The following FCHSD1 variants were observed in gnomAD, a reference collection of about 807,000 sequenced individuals.
FCHSD1 encodes F-BAR and double SH3 domains protein 1.
In FCHSD1, 109 loss-of-function variants were observed where a neutral mutation model predicts 101.3. The observed-to-expected ratio is 1.08, with a 90% CI of 0.92 to 1.26. FCHSD1 has a LOEUF of 1.26. Ranked by LOEUF, FCHSD1 falls within the 50% of genes most tolerant of loss-of-function variation. FCHSD1 has a pLI of 0.00. For missense variants in FCHSD1, 820 were observed against 895.8 expected (o/e 0.92, Z 1.08); for synonymous variants, 291 against 356.8 (o/e 0.82, Z 2.08).
chr5:141,641,511 T>G lies in FCHSD1; in HGVS notation c.2060A>C (p.Asp687Ala). 1 of 1,503,766 alleles carries G rather than the reference T, an allele frequency of 6.6e-7. No homozygotes were observed. The highest frequency in any genetic ancestry group is 1.4e-5 in the African/African-American group (1 of 71,794). The allele number at this position is 1,503,766 out of a possible 1,614,324, so 93.2% of individuals were successfully genotyped here. The change falls in exon 20 of 20, where the codon GAT becomes GCT. Residue 687 changes from aspartate to alanine, a missense_variant. Transcript: ENST00000435817. ...CTTCCCTGGCCTTCAGGTGAGGGGA[T>G]CTGGGTGGCCAGGATCCGGGGCTTT... ...PAKAPDPGHP[D>A]PLT
intron 18 of FCHSD1, chr5:141,642,601 C>T (rs1216595487): frequency 1.8e-6 from 1 of 545,952 alleles, no homozygotes; most frequent in East Asian, 3.2e-5. Flanking sequence ...TATCTGGACA[C>T]TAGGAGCAAA....
In FCHSD1 at chr5:141,646,115, TC is replaced by T; in HGVS notation, c.1120del (p.Glu374LysfsTer11). On this transcript the variant is annotated frameshift_variant, in exon 12 of 20. Transcript: ENST00000435817. LOFTEE classifies it high-confidence loss of function. ...EAPSIEQRLQEVRESIRRAQV... is the reference protein window; with the variant it reads ...EAPSIEQRLQXVRESIRRAQV... ...TGCCCGGCGGATGCTCTCTCGCACT[TC>T]CTGTAACCTCTGTTCTATGCTTGGA... 6.2e-7 allele frequency: 1 copy of T among 1,612,416 alleles called. No individual in the cohort carries two copies. The highest frequency in any genetic ancestry group is 8.5e-7 in the Non-Finnish European group (1 of 1,179,446).
intron 17 of FCHSD1, 137 bp from the exon 18 acceptor site, chr5:141,643,225 G>C: frequency 1.7e-6 from 1 of 587,812 alleles, no homozygotes; most frequent in Non-Finnish European, 2.8e-6. Flanking sequence ...TCGGTGGGGG[G>C]GTGTAGCTGA....
intron 17 of FCHSD1, among the ~76,000 whole-genome samples, chr5:141,643,455 G>A (rs2099907229): frequency 6.6e-6 from 1 of 152,206 alleles, no homozygotes; most frequent in Non-Finnish European, 1.5e-5. Flanking sequence ...CTAGAACCCA[G>A]TTCTCCTGAT....
chr5:141,649,316 GATGC>G lies in FCHSD1; in HGVS notation c.376-12_376-9del. 1 of 1,613,962 alleles carries G rather than the reference GATGC, an allele frequency of 6.2e-7. No homozygotes were observed. On this transcript the variant is annotated splice_polypyrimidine_tract_variant and intron_variant, in intron 5 of 19. Transcript: ENST00000435817. The surrounding 1 kb of genome is among the most constrained non-coding windows in gnomAD (Gnocchi z 4.1). Reference sequence around the variant, plus strand: ...CTGGAGGTTCTCTGTTCCCTATTGGGATGCATACACAAAGTCCTTACCTAGACCA... The same window carrying G: ...CTGGAGGTTCTCTGTTCCCTATTGGGATACACAAAGTCCTTACCTAGACCA...
At chr5:141,643,396 T>C (rs79041629) in intron 17 of FCHSD1, among the ~76,000 whole-genome samples, 2,292 of 152,334 alleles carry the variant, frequency 0.015, 52 homozygotes, top group African/African-American at 0.052. Flanking sequence ...GAGACCCAGG[T>C]TAAGCCAGCT....
rs1487616147 is a variant in FCHSD1 at position 141,640,316 on chromosome 5, C to T, written c.*1182G>A. On this transcript the variant is annotated 3_prime_UTR_variant, in exon 20 of 20. Coordinates refer to ENST00000435817, the MANE Select transcript of FCHSD1 (RefSeq NM_033449.3). Reference sequence around the variant, plus strand: ...ACCAGGTAGGAAAACACAGCCGGGACTGCACTGGGCTGGGCTCTTATTGCT... The same window carrying T: ...ACCAGGTAGGAAAACACAGCCGGGATTGCACTGGGCTGGGCTCTTATTGCT... 1 of 1,613,754 alleles carries T rather than the reference C, an allele frequency of 6.2e-7. No individual in the cohort carries two copies. Among genetic ancestry groups the T allele is most frequent in the East Asian group, 2.2e-5 (1 of 44,878 alleles).
At position 141,647,340 on chromosome 5, in the gene FCHSD1, T is replaced by C. The variant is rs530538036; in HGVS notation, c.828+58A>G. 142 of 1,572,452 alleles carry C rather than the reference T, an allele frequency of 9.0e-5. 1 individual carries two copies. In the East Asian group the frequency reaches 1.7e-3, roughly 18 times the overall value. On this transcript the variant is annotated intron_variant, in intron 9 of 19. Coordinates refer to ENST00000435817, the MANE Select transcript of FCHSD1 (RefSeq NM_033449.3). Reference sequence around the variant, plus strand: ...AATGTGTGAAGCAAAGAGGGCTGCATTGGGAGGGAAGGGTAAAAAGGATCC... The same window carrying C: ...AATGTGTGAAGCAAAGAGGGCTGCACTGGGAGGGAAGGGTAAAAAGGATCC...
chr5:141,651,211 T>A, intron 1 of FCHSD1, 94 bp from the exon 2 acceptor site: 1 of 1,497,808 alleles, frequency 6.7e-7, no homozygotes. Context: ...GGGGGGGTGC[T>A]GAGCTCTTTC....
chr5:141,642,078 G>C (rs2099906981), intron 18 of FCHSD1: 2 of 515,236 alleles, frequency 3.9e-6, no homozygotes, highest in Admixed American at 6.9e-5. Context: ...ACTTGGGGTG[G>C]TGGAGATGGT....
rs764634134 is a variant in FCHSD1, at chr5:141,645,075, T to TG, written c.1384dup (p.Gln462ProfsTer23). On this transcript the variant is annotated frameshift_variant, in exon 14 of 20. Transcript: ENST00000435817. LOFTEE classifies it high-confidence loss of function. ...GGGGAGGGCCCTCGTGGCCAGGGCT[T>TG]GGGGGGCAGGCTCCTCAAAGAGCTC... 1.3e-6 allele frequency: 2 copies of TG among 1,591,848 alleles called. No homozygotes were observed. The highest frequency in any genetic ancestry group is 8.6e-7 in the Non-Finnish European group (1 of 1,167,292).
At chr5:141,648,768 T>C (rs2099907992) in intron 7 of FCHSD1, among the ~76,000 whole-genome samples, 189 bp downstream of exon 7, 2 of 152,272 alleles carry the variant, frequency 1.3e-5, no homozygotes, top group Admixed American at 6.5e-5. Flanking sequence ...AAAAGAAGGG[T>C]ATTCTCTCCA....
chr5:141,647,367 C>T (rs768365874), intron 9 of FCHSD1, 31 bp downstream of exon 9: 47 of 1,576,164 alleles, frequency 3.0e-5, no homozygotes, highest in South Asian at 4.6e-5. Context: ...AAAGGATCCC[C>T]GGGGAAGCTC....
At position 141,649,849 on chromosome 5, in the gene FCHSD1, T is replaced by C. The variant is rs2099908145; in HGVS notation, c.233+38A>G. On this transcript the variant is annotated intron_variant, in intron 4 of 19. Transcript: ENST00000435817. The surrounding 1 kb of genome is among the most constrained non-coding windows in gnomAD (Gnocchi z 4.1). Reference sequence around the variant, plus strand: ...TCCTGGGGCTGAGCTCCCCATCACTTTTTGGCCTCTGTGGCCCTCCCCCTC... The same window carrying C: ...TCCTGGGGCTGAGCTCCCCATCACTCTTTGGCCTCTGTGGCCCTCCCCCTC... The C allele has an allele frequency of 6.5e-7, 1 of 1,538,890 alleles. No individual in the cohort carries two copies.
intron 2 of FCHSD1, 103 bp from the exon 3 acceptor site, chr5:141,650,507 G>T: frequency 2.9e-6 from 4 of 1,381,448 alleles, no homozygotes; most frequent in Non-Finnish European, 4.1e-6. Flanking sequence ...AGCGGTTGGG[G>T]GGAGCCAGGT....
At chr5:141,650,936 C>T in intron 2 of FCHSD1, 84 bp downstream of exon 2, 1 of 1,338,312 alleles carries the variant, frequency 7.5e-7, no homozygotes, top group Non-Finnish European at 1.0e-6. Context: ...GGCCCCTGTT[C>T]CTCCACCCCA....
At chr5:141,646,409 G>T in intron 11 of FCHSD1, 194 bp downstream of exon 11, 1 of 1,014,208 alleles carries the variant, frequency 9.9e-7, no homozygotes, top group Non-Finnish European at 1.4e-6. Flanking sequence ...GGAAGCAACA[G>T]AAGAGAATTT....
At position 141,645,081 on chromosome 5, in the gene FCHSD1, G is replaced by A. The variant is rs370399564; in HGVS notation, c.1379C>T (p.Ala460Val). Residue 460 changes from alanine to valine, a missense_variant, in exon 14 of 20, where the codon GCC becomes GTC. By Grantham distance (64) the Ala-to-Val change is moderately conservative. Transcript: ENST00000435817. Reference sequence around the variant, plus strand: ...GGCCCTCGTGGCCAGGGCTTGGGGGGCAGGCTCCTCAAAGAGCTCTCCCGT... The same window carrying A: ...GGCCCTCGTGGCCAGGGCTTGGGGGACAGGCTCCTCAAAGAGCTCTCCCGT... Reference protein sequence around the residue: ...EETGELFEEPAPQALATRALP... With the variant: ...EETGELFEEPVPQALATRALP... The A allele has an allele frequency of 5.3e-5, 85 of 1,589,368 alleles. No individual in the cohort carries two copies. In the Middle Eastern group the frequency reaches 1.2e-3, roughly 22 times the overall value.
Position 141,644,878 on chromosome 5 carries a change from T to C in FCHSD1, c.1505A>G (p.Asp502Gly). ...ACCCACCTTGACCCATTCGTCAGCATCTCCCTCCTCTATGACCTCCAGCCA... is the reference window on the plus strand; with the variant it reads ...ACCCACCTTGACCCATTCGTCAGCACCTCCCTCCTCTATGACCTCCAGCCA... ...GEWLEVIEEG[D>G]ADEWVKARNQ... Residue 502 changes from aspartate to glycine, a missense_variant, in exon 15 of 20, where the codon GAT becomes GGT. Coordinates refer to ENST00000435817, the MANE Select transcript of FCHSD1 (RefSeq NM_033449.3). The C allele has an allele frequency of 6.2e-7, 1 of 1,613,718 alleles. No individual in the cohort carries two copies. Among genetic ancestry groups the C allele is most frequent in the Non-Finnish European group, 8.5e-7 (1 of 1,179,840 alleles).
Sources: allele counts gnomAD v4.1 joint callset (sites outside exome capture counted in the v4.1 genomes callset), GRCh38; gene constraint gnomAD v4.1.1; non-coding constraint Gnocchi (gnomAD v3.1); transcripts MANE v1.5; gene names NCBI Gene and HGNC (gene_info 2026-07-23, HGNC 2026-07-21).